Variants in DPY19L1 observed in about 807,000 individuals in gnomAD.
DPY19L1 encodes protein C-mannosyl-transferase DPY19L1.
DPY19L1 carries 35 observed loss-of-function variants against 96.9 expected under a neutral mutation model. The observed-to-expected ratio is 0.36, with a 90% CI of 0.28 to 0.48. DPY19L1 has a LOEUF of 0.48. Ranked by LOEUF, DPY19L1 falls within the 20% of genes least tolerant of loss-of-function variation. The pLI, the probability that DPY19L1 is intolerant of heterozygous loss-of-function variation, is 0.99. For synonymous variants in DPY19L1, 205 were observed against 252.6 expected (o/e 0.81, Z 1.79); for missense variants, 521 against 777.9 (o/e 0.67, Z 3.93).
At chr7:34,986,656 G>C (rs1304590696) in intron 7 of DPY19L1, among the ~76,000 whole-genome samples, 1 of 151,844 alleles carries the variant, frequency 6.6e-6, no homozygotes, top group East Asian at 1.9e-4. Flanking sequence ...CAATAATTAG[G>C]AACATGTATG....
intron 6 of DPY19L1, among the ~76,000 whole-genome samples, chr7:34,997,725 G>A (rs965634969): frequency 1.3e-5 from 2 of 151,580 alleles, no homozygotes; most frequent in African/African-American, 4.9e-5. Flanking sequence ...GCAAATGCTT[G>A]ATTTTTTTAA....
At chr7:35,011,244 C>T (rs1785703457) in intron 5 of DPY19L1, 86 bp downstream of exon 5, 1 of 1,485,272 alleles carries the variant, frequency 6.7e-7, no homozygotes, top group South Asian at 1.2e-5. Context: ...GTTTATACCA[C>T]TAAGTTTACA....
chr7:35,014,590 T>C (rs1179910619), intron 3 of DPY19L1, among the ~76,000 whole-genome samples: 1 of 152,168 alleles, frequency 6.6e-6, no homozygotes, highest in African/African-American at 2.4e-5. Flanking sequence ...AAAAGAGATA[T>C]GCCTATCCAG....
chr7:35,020,631 C>T (rs1785973814), intron 1 of DPY19L1, among the ~76,000 whole-genome samples: 2 of 152,142 alleles, frequency 1.3e-5, no homozygotes, highest in African/African-American at 2.4e-5. Flanking sequence ...ATTTATTTTG[C>T]AATGTATTTA....
intron 21 of DPY19L1, among the ~76,000 whole-genome samples, chr7:34,934,682 T>C (rs1432930082): frequency 2.0e-5 from 3 of 152,174 alleles, no homozygotes; most frequent in Non-Finnish European, 4.4e-5. Context: ...TCATCAGGCA[T>C]TAGATTCTCA....
intron 6 of DPY19L1, among the ~76,000 whole-genome samples, chr7:34,994,302 C>A (rs954947835): frequency 8.5e-5 from 13 of 152,070 alleles, no homozygotes; most frequent in African/African-American, 3.1e-4. Flanking sequence ...ACTGGAACAT[C>A]TAGTTGCAAA....
intron 14 of DPY19L1, among the ~76,000 whole-genome samples, chr7:34,949,183 T>A (rs1784216810): frequency 6.6e-6 from 1 of 152,170 alleles, no homozygotes; most frequent in African/African-American, 2.4e-5. Context: ...TATTTAAATA[T>A]TTACTTATTT....
At chr7:35,035,253 C>A (rs147346400) in intron 1 of DPY19L1, among the ~76,000 whole-genome samples, 3 of 152,308 alleles carry the variant, frequency 2.0e-5, no homozygotes, top group Non-Finnish European at 4.4e-5. Flanking sequence ...ATACAATCTA[C>A]CACATTCACT....
intron 3 of DPY19L1, among the ~76,000 whole-genome samples, chr7:35,016,130 T>C (rs557456129): frequency 3.3e-5 from 5 of 152,276 alleles, no homozygotes; most frequent in East Asian, 1.9e-4. Context: ...GCCAATCTAG[T>C]AGCAATGAGC....
chr7:35,014,620 A>G (rs1027993858), intron 3 of DPY19L1, among the ~76,000 whole-genome samples: 1 of 152,212 alleles, frequency 6.6e-6, no homozygotes, highest in African/African-American at 2.4e-5. Flanking sequence ...GAAAAAGAAA[A>G]AAATGGTCTT....
rs2128778258 is a variant in DPY19L1 at position 34,929,218 on chromosome 7, T to C, written c.*2355A>G. ...TATGCAAAACACTGAGCTTTAATACTGTTTTGTACGCCTATGGAACCTGCT... is the reference window on the plus strand; with the variant it reads ...TATGCAAAACACTGAGCTTTAATACCGTTTTGTACGCCTATGGAACCTGCT... On this transcript the variant is annotated 3_prime_UTR_variant, in exon 22 of 22. Transcript: ENST00000638088. 6.6e-6 allele frequency: 1 copy of C among 152,372 alleles called. No homozygotes were observed. Among genetic ancestry groups the C allele is most frequent in the East Asian group, 1.9e-4 (1 of 5,192 alleles). 9.4% of individuals were successfully genotyped at this position (152,372 alleles called of 1,614,324 possible).
At chr7:35,030,526 G>A (rs1161071005) in intron 1 of DPY19L1, among the ~76,000 whole-genome samples, 1 of 152,110 alleles carries the variant, frequency 6.6e-6, no homozygotes, top group African/African-American at 2.4e-5. Context: ...GTTAACAATT[G>A]CTGCTTTAAT....
chr7:34,950,123 A>G (rs968355468), intron 13 of DPY19L1, among the ~76,000 whole-genome samples: 1 of 152,016 alleles, frequency 6.6e-6, no homozygotes, highest in Non-Finnish European at 1.5e-5. Flanking sequence ...ACACTCATCG[A>G]CATCCCAAAG....
chr7:34,932,877 A>T (rs568253667), intron 21 of DPY19L1, among the ~76,000 whole-genome samples: 3 of 152,336 alleles, frequency 2.0e-5, no homozygotes, highest in East Asian at 3.9e-4. Flanking sequence ...TTTTTAAATA[A>T]GAGAAAAAAA....
At chr7:34,987,798 A>T (rs1233430524) in intron 7 of DPY19L1, among the ~76,000 whole-genome samples, 1 of 152,076 alleles carries the variant, frequency 6.6e-6, no homozygotes, top group East Asian at 1.9e-4. Flanking sequence ...CTCATTACCT[A>T]AAACGAAAAT....
chr7:34,936,507 G>A (rs1176392173), intron 21 of DPY19L1, among the ~76,000 whole-genome samples: 1 of 152,186 alleles, frequency 6.6e-6, no homozygotes. Context: ...CCCCATTCTG[G>A]TAGAAAGCTA....
intron 7 of DPY19L1, among the ~76,000 whole-genome samples, chr7:34,976,664 CTTATT>C (rs1784838068): frequency 6.6e-6 from 1 of 152,164 alleles, no homozygotes; most frequent in Non-Finnish European, 1.5e-5. Context: ...TCATTGTTAT[CTTATT>C]TTAAGAAATT....
chr7:35,037,338 T>G lies in DPY19L1; in HGVS notation c.57A>C (p.Pro19=), dbSNP rs1344857143. 2 of 355,544 alleles carry G rather than the reference T, an allele frequency of 5.6e-6. No homozygotes were observed. The highest frequency in any genetic ancestry group is 4.7e-5 in the Admixed American group (1 of 21,104). 22.0% of individuals were successfully genotyped at this position (355,544 alleles called of 1,614,324 possible). A position where few individuals can be genotyped will look rare whatever the true frequency, so the allele number is the denominator to read the frequency against. The change falls in exon 1 of 22, where the codon CCA becomes CCC. Residue 19 remains proline (P), a synonymous_variant. Transcript: ENST00000638088. ...HREAAPKPPQ[P]PRASQSPLRG... The stretch of plus-strand genomic sequence containing the variant: ...TCAGCGGCGACTGTGAGGCGCGGGG[T>G]GGCTGGGGCGGCTTGGGAGCCGCCT...
At chr7:34,941,028 T>A (rs1029287318) in intron 18 of DPY19L1, among the ~76,000 whole-genome samples, 1 of 152,088 alleles carries the variant, frequency 6.6e-6, no homozygotes, top group Non-Finnish European at 1.5e-5. Flanking sequence ...TAACAACACT[T>A]TGTTCTCTTG....
Sources: gnomAD v4.1 joint callset for allele counts (sites outside exome capture counted in the v4.1 genomes callset) on GRCh38, gnomAD v4.1.1 for gene constraint, MANE v1.5 for transcripts, NCBI Gene and HGNC (gene_info 2026-07-23, HGNC 2026-07-21) for gene names.